KLHL5: variants seen among roughly 807,000 people sequenced by gnomAD.
KLHL5 encodes the protein kelch like family member 5.
A neutral mutation model predicts 77.7 loss-of-function variants in KLHL5; 48 were observed. The ratio of observed to expected loss-of-function variants is 0.62; its 90% CI spans 0.49 to 0.79. The LOEUF (loss-of-function observed/expected upper bound fraction) is 0.79, where lower values mean the gene tolerates loss of function less well. Among genes scored for constraint, KLHL5 ranks in the 30% least tolerant of loss-of-function variants. The probability of loss-of-function intolerance (pLI) is 0.00; values close to 1 mark genes in which losing one functional copy is unlikely to be tolerated. For missense variants in KLHL5, 723 were observed against 859.7 expected (o/e 0.84, Z 1.99); for synonymous variants, 260 against 297.0 (o/e 0.88, Z 1.28).
Position 39,107,746 on chromosome 4 carries a change from A to G in KLHL5, c.1688+15A>G. 6.4e-7 allele frequency: 1 copy of G among 1,567,488 alleles called. No individual in the cohort carries two copies. ...CTAAGTGGAAAGTAAGGAAATATTT[A>G]AAGTTCCATTTAAAATGCAATACAC... On this transcript the variant is annotated intron_variant, in intron 8 of 10. Transcript: ENST00000504108.
intron 7 of KLHL5, among the ~76,000 whole-genome samples, chr4:39,104,164 CAA>C (rs1463923932): frequency 6.6e-6 from 1 of 151,780 alleles, no homozygotes; most frequent in African/African-American, 2.4e-5. Flanking sequence ...AGTAAAAGAT[CAA>C]AGAGACATAG....
the KLHL5 span, among the ~76,000 whole-genome samples, chr4:39,137,150 A>G: frequency 4.7e-4 from 71 of 151,462 alleles, no homozygotes; most frequent in Non-Finnish European, 7.8e-4. Context: ...CAAGATAGAG[A>G]TAATAGATTA....
At chr4:39,068,657 G>T (rs541994953) in intron 1 of KLHL5, among the ~76,000 whole-genome samples, 2 of 152,296 alleles carry the variant, frequency 1.3e-5, no homozygotes, top group African/African-American at 4.8e-5. Flanking sequence ...AAAAGGATAG[G>T]TCCTACAGTT....
At chr4:39,088,653 A>G (rs1422873464) in intron 5 of KLHL5, among the ~76,000 whole-genome samples, 1 of 152,150 alleles carries the variant, frequency 6.6e-6, no homozygotes, top group Non-Finnish European at 1.5e-5. Flanking sequence ...GAAGACTGTG[A>G]CAGATACATG....
chr4:39,044,985 AG>A (rs1716036280), upstream of KLHL5: 1 of 988,882 alleles, frequency 1.0e-6, no homozygotes, highest in Non-Finnish European at 1.2e-6. Flanking sequence ...GGGGCGCGCG[AG>A]GGGCCGAGCA....
rs1042333902 is a variant in KLHL5 at position 39,125,711 on chromosome 4, A to C, written c.*4645A>C. Among the ~76,000 whole-genome samples, 25 of 152,190 alleles carry C rather than the reference A, an allele frequency of 1.6e-4. No individual in the cohort carries two copies. The highest frequency in any genetic ancestry group is 6.0e-4 in the African/African-American group (25 of 41,456). On this transcript the variant is annotated 3_prime_UTR_variant, in exon 11 of 11. Coordinates refer to ENST00000504108, the MANE Select transcript of KLHL5 (RefSeq NM_015990.5). The stretch of plus-strand genomic sequence containing the variant: ...AGCTGAGAGAAAGGAGTGGGGAGAG[A>C]TTGCTAAAAAGGAGTTTCCTTCTAG...
At chr4:39,126,660 C>G (rs1723563698), downstream of KLHL5, 1 of 450,450 alleles carries the variant, frequency 2.2e-6, no homozygotes, top group Non-Finnish European at 4.4e-6. Flanking sequence ...GACCATATTT[C>G]TTTGTGGATA....
the KLHL5 span, among the ~76,000 whole-genome samples, chr4:39,141,870 AATCAT>A: frequency 6.6e-6 from 1 of 152,344 alleles, no homozygotes; most frequent in African/African-American, 2.4e-5. Flanking sequence ...TGTGCTACTG[AATCAT>A]GAGAGAACAT....
intron 1 of KLHL5, among the ~76,000 whole-genome samples, chr4:39,047,146 G>A (rs930762202): frequency 1.3e-5 from 2 of 152,168 alleles, no homozygotes; most frequent in South Asian, 2.1e-4. Context: ...AGCTGGGCAC[G>A]GTGGCTCACG....
chr4:39,130,802 C>A (rs191351786), downstream of KLHL5, among the ~76,000 whole-genome samples: 9 of 152,178 alleles, frequency 5.9e-5, no homozygotes, highest in East Asian at 1.3e-3. Context: ...AGCACGTTTA[C>A]AAGAGCCAGT....
rs758139587 is a variant in KLHL5 at position 39,062,829 on chromosome 4, A to G, written c.177A>G (p.Leu59=). 14 of 1,614,062 alleles carry G rather than the reference A, an allele frequency of 8.7e-6. No homozygotes were observed. The change falls in exon 1 of 11, where the codon CTA becomes CTG. Residue 59 remains leucine (L), a synonymous_variant. Transcript: ENST00000504108. ...GGRKFLDPCS[L]QLPLASIGYR... ...GAAAGTTTTTAGATCCATGTAGCCT[A>G]CAATTGCCTTTGGCTTCAATTGGTT...
intron 1 of KLHL5, among the ~76,000 whole-genome samples, chr4:39,045,558 A>G (rs1406277260): frequency 6.6e-6 from 1 of 151,896 alleles, no homozygotes; most frequent in Non-Finnish European, 1.5e-5. Context: ...TCTTTTAAAT[A>G]ATACCCTCGC....
chr4:39,065,030 G>A (rs1375923946), intron 1 of KLHL5, among the ~76,000 whole-genome samples: 2 of 152,126 alleles, frequency 1.3e-5, no homozygotes, highest in Admixed American at 6.5e-5. Flanking sequence ...TTTTAGATAT[G>A]AGGGGAAATA....
chr4:39,108,643 G>T (rs1317991926), intron 8 of KLHL5, among the ~76,000 whole-genome samples: 2 of 151,852 alleles, frequency 1.3e-5, no homozygotes, highest in Non-Finnish European at 2.9e-5. Context: ...TTATCTCCAT[G>T]CCCCTCCCCT....
downstream of KLHL5, among the ~76,000 whole-genome samples, chr4:39,127,795 C>T (rs1024099936): frequency 5.9e-5 from 9 of 152,132 alleles, no homozygotes; most frequent in Non-Finnish European, 8.8e-5. Flanking sequence ...AAAGAGGTCC[C>T]TGCTTAGTGG....
At chr4:39,060,311 T>C (rs1005240569), upstream of KLHL5, among the ~76,000 whole-genome samples, 1 of 152,112 alleles carries the variant, frequency 6.6e-6, no homozygotes, top group African/African-American at 2.4e-5. Context: ...TCAGCAATGA[T>C]TACCATGGGA....
At chr4:39,136,813 G>A in the KLHL5 span, among the ~76,000 whole-genome samples, 3 of 152,204 alleles carry the variant, frequency 2.0e-5, no homozygotes, top group Non-Finnish European at 4.4e-5. Context: ...AGGGCCCAGG[G>A]AGGGAGAGGA....
intron 1 of KLHL5, chr4:39,045,174 C>T (rs1716067200): frequency 1.0e-6 from 1 of 984,002 alleles, no homozygotes. Context: ...ACGCGACTCT[C>T]ACGCCCCGCT....
chr4:39,118,443 G>A (rs1300221841), intron 10 of KLHL5, among the ~76,000 whole-genome samples: 1 of 152,104 alleles, frequency 6.6e-6, no homozygotes, highest in Non-Finnish European at 1.5e-5. Context: ...TGAGAAAAGG[G>A]CAGGAAACAG....
Sources: allele counts gnomAD v4.1 joint callset (sites outside exome capture counted in the v4.1 genomes callset), GRCh38; gene constraint gnomAD v4.1.1; transcripts MANE v1.5; gene names NCBI Gene and HGNC (gene_info 2026-07-23, HGNC 2026-07-21).